The following NUP85 variants were observed in gnomAD, a reference collection of about 807,000 sequenced individuals.
NUP85 encodes the protein nuclear pore complex protein Nup85.
A neutral mutation model predicts 92.8 loss-of-function variants in NUP85; 23 were observed. The observed-to-expected ratio is 0.25, with a 90% CI of 0.18 to 0.35. The LOEUF (loss-of-function observed/expected upper bound fraction) is 0.35. NUP85 is among the 10% of genes least tolerant of loss of function. The pLI is 1.00. For missense variants in NUP85, 759 were observed against 822.8 expected (o/e 0.92, Z 0.95); for synonymous variants, 314 against 306.9 (o/e 1.02, Z -0.24).
chr17:75,212,085 CGCGTGTGTGTGTGT>C (rs2075278246), intron 4 of NUP85, 23 bp downstream of exon 4: 4 of 1,397,854 alleles, frequency 2.9e-6, no homozygotes, highest in Non-Finnish European at 9.5e-7. Context: ...TGCGCGTGCG[CGCGTGTGTGTGTGT>C]GTGTGTGTGT....
chr17:75,223,658 A>C (rs530849615), intron 7 of NUP85, among the ~76,000 whole-genome samples: 1 of 152,104 alleles, frequency 6.6e-6, no homozygotes, highest in Admixed American at 6.6e-5. Context: ...AAAGTGCTGG[A>C]ATTACAGACG....
intron 4 of NUP85, 45 bp from the exon 5 acceptor site, chr17:75,213,030 GC>G: frequency 6.3e-7 from 1 of 1,578,820 alleles, no homozygotes; most frequent in Non-Finnish European, 8.7e-7. Context: ...ATGACAATAA[GC>G]CTAAGAGTTC....
chr17:75,232,941 C>T lies in NUP85; in HGVS notation c.1487C>T (p.Ala496Val). 1 of 1,614,238 alleles carries T rather than the reference C, an allele frequency of 6.2e-7. No homozygotes were observed. Among genetic ancestry groups the T allele is most frequent in the Non-Finnish European group, 8.5e-7 (1 of 1,180,032 alleles). The change falls in exon 15 of 19, where the codon GCC becomes GTC. Residue 496 changes from alanine (A) to valine (V), a missense_variant. Physicochemically the swap from Ala to Val is moderately conservative, Grantham distance 64. Transcript: ENST00000245544. ...TCTTGGAGCATCCGTGCTAAGGATG[C>T]CGCCTTTGCCACGCTCGTGTCAGAC... is the stretch of plus-strand genomic sequence containing the variant. ...ALSWSIRAKD[A>V]AFATLVSDRF...
At chr17:75,211,317 A>G (rs968557776) in intron 3 of NUP85, among the ~76,000 whole-genome samples, 1 of 151,618 alleles carries the variant, frequency 6.6e-6, no homozygotes, top group Non-Finnish European at 1.5e-5. Context: ...TATTGGATTT[A>G]AGGGACTCTA....
intron 11 of NUP85, among the ~76,000 whole-genome samples, chr17:75,230,533 G>C (rs2076012112): frequency 6.6e-6 from 1 of 151,896 alleles, no homozygotes; most frequent in Admixed American, 6.6e-5. Flanking sequence ...CTAATTTTTT[G>C]TACTTTTTGT....
chr17:75,231,939 G>C lies in NUP85; in HGVS notation c.1356G>C (p.Lys452Asn). ...IPLNTEQKAL[K>N]VLRICEQRQM... Reference sequence around the variant, plus strand: ...TGAACACCGAGCAGAAAGCCCTGAAGGTGCTGCGGATCTGTGAGCAGCGGC... The same window carrying C: ...TGAACACCGAGCAGAAAGCCCTGAACGTGCTGCGGATCTGTGAGCAGCGGC... Residue 452 changes from lysine (K) to asparagine (N), a missense_variant, in exon 14 of 19, where the codon AAG becomes AAC. Transcript: ENST00000245544. The surrounding 1 kb of genome is among the most constrained non-coding windows in gnomAD (Gnocchi z 4.6). The C allele has an allele frequency of 6.2e-7, 1 of 1,614,232 alleles. No homozygotes were observed. The highest frequency in any genetic ancestry group is 8.5e-7 in the Non-Finnish European group (1 of 1,180,030).
At position 75,225,150 on chromosome 17, in the gene NUP85, G is replaced by C; in HGVS notation, c.645G>C (p.Met215Ile). Residue 215 changes from methionine (M) to isoleucine (I), a missense_variant, in exon 8 of 19, where the codon ATG becomes ATC. Coordinates refer to ENST00000245544, the MANE Select transcript of NUP85 (RefSeq NM_024844.5). ...LQGRLDEARQ[M>I]LSKEADASPA... Reference sequence around the variant, plus strand: ...GCCGGCTGGATGAGGCCCGACAGATGCTCTCCAAGGAAGCCGATGCCAGCC... The same window carrying C: ...GCCGGCTGGATGAGGCCCGACAGATCCTCTCCAAGGAAGCCGATGCCAGCC... 6.2e-7 allele frequency: 1 copy of C among 1,601,494 alleles called. No individual in the cohort carries two copies. The highest frequency in any genetic ancestry group is 2.2e-5 in the East Asian group (1 of 44,772).
chr17:75,207,409 T>C (rs1310017774), intron 1 of NUP85, among the ~76,000 whole-genome samples: 1 of 151,956 alleles, frequency 6.6e-6, no homozygotes, highest in East Asian at 1.9e-4. Context: ...GGTCTGGAAC[T>C]CCTGACCTCA....
rs1432951726 is a variant in NUP85, at chr17:75,235,204, C to G, written c.1869+3C>G. 6 of 1,608,632 alleles carry G rather than the reference C, an allele frequency of 3.7e-6. No homozygotes were observed. In the African/African-American group the frequency reaches 8.0e-5, roughly 22 times the overall value. Reference sequence around the variant, plus strand: ...AATCTGATACCGAGCAGCTCCAGGTCATTTTCACTTTTGGGTTGATGGTTC... The same window carrying G: ...AATCTGATACCGAGCAGCTCCAGGTGATTTTCACTTTTGGGTTGATGGTTC... On this transcript the variant is annotated splice_donor_region_variant and intron_variant, in intron 18 of 18. Transcript: ENST00000245544.
At chr17:75,212,485 T>G (rs1377248295) in intron 4 of NUP85, among the ~76,000 whole-genome samples, 1 of 144,178 alleles carries the variant, frequency 6.9e-6, no homozygotes, top group Non-Finnish European at 1.5e-5. Context: ...TTTTTTTTTT[T>G]TTTTTTTTTT....
intron 7 of NUP85, 22 bp downstream of exon 7, chr17:75,218,328 C>A (rs1203721538): frequency 1.2e-6 from 2 of 1,611,482 alleles, no homozygotes; most frequent in Non-Finnish European, 1.7e-6. Flanking sequence ...CGGGCCCCCA[C>A]CTCCCACCAT....
chr17:75,225,241 C>T lies in NUP85; in HGVS notation c.732+4C>T, dbSNP rs762576087. ...GAGGACAATGCCCATTCTTAGTGTA[C>T]GTGGGGGTAGCTTTGCTCTGCTGGG... On this transcript the variant is annotated splice_donor_region_variant and intron_variant, in intron 8 of 18. Transcript: ENST00000245544. 35 of 1,604,178 alleles carry T rather than the reference C, an allele frequency of 2.2e-5. No individual in the cohort carries two copies. The highest frequency in any genetic ancestry group is 5.0e-5 in the Admixed American group (3 of 59,512).
intron 1 of NUP85, among the ~76,000 whole-genome samples, chr17:75,206,360 G>C (rs1041690897): frequency 3.9e-5 from 6 of 152,052 alleles, no homozygotes; most frequent in Admixed American, 1.3e-4. Context: ...GATTGCTCTT[G>C]TTTTCCCTCT....
At chr17:75,211,508 C>T (rs1379663308) in intron 3 of NUP85, among the ~76,000 whole-genome samples, 1 of 150,976 alleles carries the variant, frequency 6.6e-6, no homozygotes, top group Non-Finnish European at 1.5e-5. Flanking sequence ...CTCACTGCAA[C>T]CTCCGCCTGC....
intron 11 of NUP85, among the ~76,000 whole-genome samples, chr17:75,230,367 T>TTG (rs1310637806): frequency 3.3e-5 from 5 of 151,116 alleles, no homozygotes; most frequent in African/African-American, 9.7e-5. Context: ...TTTTTGTTTT[T>TTG]TTTTTTTTTT....
chr17:75,218,115 T>A (rs2075486405), intron 6 of NUP85, 70 bp from the exon 7 acceptor site: 1 of 1,605,828 alleles, frequency 6.2e-7, no homozygotes, highest in African/African-American at 1.3e-5. Context: ...AGTTCTCTGT[T>A]CCTTGGATAA....
intron 9 of NUP85, 27 bp downstream of exon 9, chr17:75,225,491 C>T (rs747560348): frequency 7.3e-5 from 118 of 1,609,330 alleles, no homozygotes; most frequent in Non-Finnish European, 2.5e-6. Context: ...AGATTGCATC[C>T]ATGTTGGCTT....
intron 18 of NUP85, 128 bp downstream of exon 18, chr17:75,235,329 G>C (rs2076290362): frequency 3.0e-6 from 2 of 659,426 alleles, no homozygotes; most frequent in Non-Finnish European, 5.2e-6. Context: ...CCCTTAACCT[G>C]TGTAATTCAC....
At chr17:75,207,312 T>A (rs572430210) in intron 1 of NUP85, among the ~76,000 whole-genome samples, 3 of 152,016 alleles carry the variant, frequency 2.0e-5, no homozygotes, top group African/African-American at 7.2e-5. Context: ...GCCTCCTGAG[T>A]AGCTGGGATT....
Sources: gnomAD v4.1 joint callset for allele counts (sites outside exome capture counted in the v4.1 genomes callset) on GRCh38, gnomAD v4.1.1 for gene constraint, Gnocchi (gnomAD v3.1) non-coding constraint, MANE v1.5 for transcripts, NCBI Gene and HGNC (gene_info 2026-07-23, HGNC 2026-07-21) for gene names.